Variants in NKAIN3 observed in about 807,000 individuals in gnomAD.
NKAIN3 encodes sodium/potassium-transporting ATPase subunit beta-1-interacting protein 3.
In NKAIN3, 25 loss-of-function variants were observed where a neutral mutation model predicts 30.2. The ratio of observed to expected loss-of-function variants is 0.83; its 90% CI spans 0.60 to 1.16. The LOEUF (loss-of-function observed/expected upper bound fraction) is 1.16. NKAIN3 is among the 50% of genes most tolerant of loss of function. The pLI is 0.00. For missense variants in NKAIN3, 225 were observed against 254.1 expected (o/e 0.89, Z 0.78); for synonymous variants, 91 against 89.6 (o/e 1.02, Z -0.09).
chr8:62,734,490 A>C (rs1042811819), intron 3 of NKAIN3, among the ~76,000 whole-genome samples: 2 of 152,158 alleles, frequency 1.3e-5, no homozygotes, highest in African/African-American at 4.8e-5. Context: ...TTTTAAGATA[A>C]ATTACTTTAG....
chr8:62,318,256 T>C (rs1471696660), intron 1 of NKAIN3, among the ~76,000 whole-genome samples: 1 of 152,152 alleles, frequency 6.6e-6, no homozygotes, highest in Non-Finnish European at 1.5e-5. Flanking sequence ...TTTTCCTAAT[T>C]GAATACCCTT....
At chr8:62,686,396 T>G (rs1352394408) in intron 3 of NKAIN3, among the ~76,000 whole-genome samples, 1 of 152,136 alleles carries the variant, frequency 6.6e-6, no homozygotes, top group Non-Finnish European at 1.5e-5. Flanking sequence ...CTTGCATTTT[T>G]GGTGTCTGCT....
intron 1 of NKAIN3, among the ~76,000 whole-genome samples, chr8:62,493,950 G>T (rs1807153648): frequency 6.6e-6 from 1 of 151,940 alleles, no homozygotes; most frequent in South Asian, 2.1e-4. Context: ...TTTCTGAATA[G>T]AATCATATTG....
intron 1 of NKAIN3, among the ~76,000 whole-genome samples, chr8:62,548,204 T>C (rs1426761017): frequency 2.0e-5 from 3 of 152,188 alleles, no homozygotes; most frequent in Non-Finnish European, 4.4e-5. Flanking sequence ...GAAAATACCT[T>C]CATTCCTCAC....
At chr8:62,350,013 C>A (rs927500974) in intron 1 of NKAIN3, among the ~76,000 whole-genome samples, 1 of 152,154 alleles carries the variant, frequency 6.6e-6, no homozygotes, top group African/African-American at 2.4e-5. Flanking sequence ...AACTCTTGTG[C>A]ATAGCTGATG....
chr8:62,413,049 A>T (rs997338929), intron 1 of NKAIN3, among the ~76,000 whole-genome samples: 5 of 152,220 alleles, frequency 3.3e-5, no homozygotes, highest in African/African-American at 1.2e-4. Context: ...AAAGATGCTC[A>T]TGATCAGTAA....
intron 3 of NKAIN3, among the ~76,000 whole-genome samples, chr8:62,648,424 T>G (rs577462553): frequency 9.8e-5 from 15 of 152,306 alleles, no homozygotes; most frequent in African/African-American, 3.6e-4. Flanking sequence ...TCTTAGCCCA[T>G]GTTCCCTAAG....
intron 1 of NKAIN3, among the ~76,000 whole-genome samples, chr8:62,346,463 C>T (rs558381146): frequency 6.6e-6 from 1 of 152,202 alleles, no homozygotes; most frequent in African/African-American, 2.4e-5. Flanking sequence ...AGACCTTATG[C>T]AGCTATTAAA....
intron 1 of NKAIN3, among the ~76,000 whole-genome samples, chr8:62,560,074 G>A (rs1459357075): frequency 7.2e-5 from 11 of 151,978 alleles, no homozygotes; most frequent in Admixed American, 6.6e-5. Flanking sequence ...TTTTAGCAAG[G>A]ATTTGAGAAA....
Position 62,603,464 on chromosome 8 carries a change from C to T in NKAIN3, c.273+13670C>T, listed in dbSNP as rs553722861. Among the ~76,000 whole-genome samples the T allele has an allele frequency of 1.4e-4, 21 of 152,214 alleles. No homozygotes were observed. In the South Asian group the frequency reaches 4.0e-3, roughly 29 times the overall value. ...GATAACAATTACTCAATGCTACTCC[C>T]ACGTATGTTACAGAGGCAAAACTTA... On this transcript the variant is annotated intron_variant, in intron 3 of 6. Transcript: ENST00000623646.
intron 1 of NKAIN3, among the ~76,000 whole-genome samples, chr8:62,286,103 G>A (rs1243915761): frequency 6.6e-6 from 1 of 152,100 alleles, no homozygotes; most frequent in Non-Finnish European, 1.5e-5. Context: ...TTAAAATAGA[G>A]TAAAGATGAT....
chr8:62,691,991 G>A (rs116179897), intron 3 of NKAIN3, among the ~76,000 whole-genome samples: 1,903 of 152,256 alleles, frequency 0.012, 31 homozygotes, highest in African/African-American at 0.043. Context: ...GCATTTTTAT[G>A]TATTTGGAGA....
At chr8:62,863,126 C>A in intron 4 of NKAIN3, 1 of 1,432,386 alleles carries the variant, frequency 7.0e-7, no homozygotes, top group Non-Finnish European at 9.8e-7. Flanking sequence ...TTGGAAGGTG[C>A]AGCTGAGGTG....
rs150908279 is a variant in NKAIN3 at position 62,681,103 on chromosome 8, G to A, written c.274-65829G>A. On this transcript the variant is annotated intron_variant, in intron 3 of 6. Transcript: ENST00000623646. ...AATCATGCCATACCACACCTGAATC[G>A]TCCCACTTGATTAGAGCAACCATTC... Among the ~76,000 whole-genome samples the A allele has an allele frequency of 1.9e-3, 293 of 152,220 alleles. 1 individual carries two copies. The highest frequency in any genetic ancestry group is 6.3e-3 in the African/African-American group (261 of 41,522).
chr8:62,544,075 C>T (rs377657159), intron 1 of NKAIN3, among the ~76,000 whole-genome samples: 2 of 152,088 alleles, frequency 1.3e-5, no homozygotes, highest in African/African-American at 2.4e-5. Context: ...AATTATAGCT[C>T]ACTGCGACCT....
At chr8:62,414,590 A>T (rs185449492) in intron 1 of NKAIN3, among the ~76,000 whole-genome samples, 4 of 152,150 alleles carry the variant, frequency 2.6e-5, no homozygotes, top group Non-Finnish European at 5.9e-5. Flanking sequence ...ATTTTCTATA[A>T]ATTGGATCCA....
At chr8:62,996,849 G>A (rs1482454035) in intron 5 of NKAIN3, among the ~76,000 whole-genome samples, 1 of 152,170 alleles carries the variant, frequency 6.6e-6, no homozygotes, top group African/African-American at 2.4e-5. Context: ...GATGCAAAGG[G>A]TGGGCTCCCA....
chr8:62,812,315 G>A (rs970342344), intron 4 of NKAIN3, among the ~76,000 whole-genome samples: 1 of 151,596 alleles, frequency 6.6e-6, no homozygotes, highest in Non-Finnish European at 1.5e-5. Flanking sequence ...TATTTTAGGG[G>A]CTGTGCATTT....
chr8:62,451,129 A>G (rs1563404500), intron 1 of NKAIN3, among the ~76,000 whole-genome samples: 2 of 152,224 alleles, frequency 1.3e-5, no homozygotes, highest in African/African-American at 2.4e-5. Context: ...ATCACCCATG[A>G]CTATGGTTAT....
Sources: allele counts gnomAD v4.1 joint callset (sites outside exome capture counted in the v4.1 genomes callset), GRCh38; gene constraint gnomAD v4.1.1; transcripts MANE v1.5; gene names NCBI Gene and HGNC (gene_info 2026-07-23, HGNC 2026-07-21).